Variants in C4orf33 observed in about 807,000 individuals in gnomAD.
The protein encoded by C4orf33 is UPF0462 protein C4orf33.
Under a neutral mutation model 24.3 loss-of-function variants are expected in C4orf33, and 20 were observed. That is an observed-to-expected ratio of 0.82 (90% CI 0.58 to 1.19). C4orf33 has a LOEUF of 1.19. Among genes scored for constraint, C4orf33 ranks in the 50% most tolerant of loss-of-function variants. C4orf33 has a pLI of 0.00. For missense variants in C4orf33, 207 were observed against 225.9 expected, an observed-to-expected ratio of 0.92 and a Z score of 0.54; for synonymous variants, 67 against 76.4, an observed-to-expected ratio of 0.88 and a Z score of 0.64.
chr4:129,103,219 C>T (rs916044210), intron 2 of C4orf33, among the ~76,000 whole-genome samples: 1 of 151,944 alleles, frequency 6.6e-6, no homozygotes, highest in Non-Finnish European at 1.5e-5. Flanking sequence ...CAGGGTTTCA[C>T]TGTGTTAGCC....
At chr4:129,111,547 T>C (rs1753690700) in intron 5 of C4orf33, 139 bp from the exon 6 acceptor site, 6 of 520,552 alleles carry the variant, frequency 1.2e-5, no homozygotes. Context: ...ACTGTACATA[T>C]AAAATATATC....
intron 2 of C4orf33, among the ~76,000 whole-genome samples, chr4:129,105,659 A>G (rs1753495788): frequency 6.6e-6 from 1 of 152,218 alleles, no homozygotes; most frequent in Admixed American, 6.5e-5. Context: ...ATTCTATAAA[A>G]TACTACTATT....
At chr4:129,094,857 A>T (rs1033432429), upstream of C4orf33, among the ~76,000 whole-genome samples, 1 of 152,256 alleles carries the variant, frequency 6.6e-6, no homozygotes, top group Non-Finnish European at 1.5e-5. Context: ...CTTCATAAAC[A>T]TCTCACTGAC....
chr4:129,105,852 TA>T (rs1286324251), intron 2 of C4orf33, among the ~76,000 whole-genome samples: 1 of 152,226 alleles, frequency 6.6e-6, no homozygotes, highest in East Asian at 1.9e-4. Context: ...CAGAAAATTA[TA>T]AAAAAGAAAA....
intron 2 of C4orf33, among the ~76,000 whole-genome samples, chr4:129,106,176 T>C (rs1357683706): frequency 6.6e-6 from 1 of 152,144 alleles, no homozygotes; most frequent in East Asian, 1.9e-4. Context: ...TCTTATGTAA[T>C]AGGAGATAAT....
At chr4:129,110,991 C>G (rs1473975332) in intron 5 of C4orf33, among the ~76,000 whole-genome samples, 1 of 152,180 alleles carries the variant, frequency 6.6e-6, no homozygotes, top group Non-Finnish European at 1.5e-5. Flanking sequence ...CTCTCTGGCT[C>G]TTCATCAGCT....
upstream of C4orf33, among the ~76,000 whole-genome samples, chr4:129,094,901 T>G (rs909982530): frequency 6.6e-6 from 1 of 152,184 alleles, no homozygotes; most frequent in Non-Finnish European, 1.5e-5. Flanking sequence ...TCTCCCACAT[T>G]TGAACCTTGT....
upstream of C4orf33, among the ~76,000 whole-genome samples, chr4:129,095,522 A>G (rs1308381151): frequency 6.6e-6 from 1 of 152,260 alleles, no homozygotes; most frequent in Non-Finnish European, 1.5e-5. Context: ...ACTCTTGTCA[A>G]GCCACCATTT....
upstream of C4orf33, among the ~76,000 whole-genome samples, chr4:129,094,552 A>C (rs1753122119): frequency 6.6e-6 from 1 of 152,214 alleles, no homozygotes; most frequent in African/African-American, 2.4e-5. Context: ...GTGTTAAGAA[A>C]TTTTAAAAAT....
At chr4:129,100,033 T>A (rs1753308055) in intron 1 of C4orf33, among the ~76,000 whole-genome samples, 1 of 152,182 alleles carries the variant, frequency 6.6e-6, no homozygotes. Flanking sequence ...CACTATTCCC[T>A]ACTTGTGGAA....
intron 3 of C4orf33, among the ~76,000 whole-genome samples, chr4:129,109,027 C>A (rs1753602064): frequency 6.6e-6 from 1 of 152,148 alleles, no homozygotes. Flanking sequence ...GCTGGGACTA[C>A]AGGCACACGC....
At chr4:129,105,347 A>G (rs955731417) in intron 2 of C4orf33, among the ~76,000 whole-genome samples, 4 of 152,026 alleles carry the variant, frequency 2.6e-5, no homozygotes, top group African/African-American at 7.2e-5. Context: ...CTGCTCTACT[A>G]AAAGTCTACT....
At chr4:129,098,673 T>C (rs1327562371) in intron 1 of C4orf33, among the ~76,000 whole-genome samples, 1 of 152,190 alleles carries the variant, frequency 6.6e-6, no homozygotes, top group Admixed American at 6.5e-5. Flanking sequence ...GGCTGCTCCA[T>C]AGACAGAGTA....
intron 1 of C4orf33, among the ~76,000 whole-genome samples, chr4:129,097,389 T>G (rs1719935080): frequency 6.6e-6 from 1 of 152,346 alleles, no homozygotes; most frequent in South Asian, 2.1e-4. Flanking sequence ...TCTTGGATGT[T>G]TCCTGAGATA....
At chr4:129,099,395 TTTG>T (rs1753289314) in intron 1 of C4orf33, among the ~76,000 whole-genome samples, 1 of 152,222 alleles carries the variant, frequency 6.6e-6, no homozygotes, top group Non-Finnish European at 1.5e-5. Context: ...GCTTATTATC[TTTG>T]TTATTAGCCA....
chr4:129,109,800 C>A, intron 5 of C4orf33, 128 bp downstream of exon 5: 1 of 892,238 alleles, frequency 1.1e-6, no homozygotes, highest in Non-Finnish European at 1.7e-6. Flanking sequence ...TAGTAGAGTC[C>A]AATGTTCACT....
chr4:129,111,640 A>T (rs1462159794), intron 5 of C4orf33, 46 bp from the exon 6 acceptor site: 1 of 1,148,160 alleles, frequency 8.7e-7, no homozygotes, highest in Admixed American at 1.8e-5. Flanking sequence ...TATTTCACAA[A>T]TGCATAATTC....
chr4:129,115,725 G>A lies in C4orf33; in HGVS notation c.*3934G>A, dbSNP rs927948937. 5 of 150,666 alleles carry A rather than the reference G, an allele frequency of 3.3e-5. No individual in the cohort carries two copies. The highest frequency in any genetic ancestry group is 1.2e-4 in the African/African-American group (5 of 40,944). The allele number at this position is 150,666 out of a possible 1,614,324, so 9.3% of individuals were successfully genotyped here. On this transcript the variant is annotated 3_prime_UTR_variant, in exon 6 of 6. Transcript: ENST00000425929. ...GCACTGCACACAACCCTCTGCTTTT[G>A]TCAGGGGTAGAAGGGGTATCCAGCC...
chr4:129,110,040 C>A, intron 5 of C4orf33: 1 of 1,024,362 alleles, frequency 9.8e-7, no homozygotes, highest in Non-Finnish European at 1.2e-6. Context: ...CAAACAGTCC[C>A]CTGTTACAAG....
Sources: allele counts gnomAD v4.1 joint callset (sites outside exome capture counted in the v4.1 genomes callset), GRCh38; gene constraint gnomAD v4.1.1; transcripts MANE v1.5; gene names NCBI Gene and HGNC (gene_info 2026-07-23, HGNC 2026-07-21).